Variants in ZNF148 observed in about 807,000 individuals in gnomAD.
ZNF148 encodes zinc finger protein 148.
Under a neutral mutation model 67.7 loss-of-function variants are expected in ZNF148, and 7 were observed. That is an observed-to-expected ratio of 0.10 (90% confidence interval 0.06 to 0.19). The LOEUF (loss-of-function observed/expected upper bound fraction) is 0.19, where lower values mean the gene tolerates loss of function less well. Ranked by LOEUF, ZNF148 falls within the 10% of genes least tolerant of loss-of-function variation. The probability of loss-of-function intolerance (pLI) is 1.00; values close to 1 mark genes in which losing one functional copy is unlikely to be tolerated. For missense variants in ZNF148, 583 were observed against 947.1 expected (o/e 0.62, Z 5.05); for synonymous variants, 333 against 330.7 (o/e 1.01, Z -0.08).
In ZNF148 at chr3:125,231,431, C is replaced by T. The variant is rs1305655143; in HGVS notation, c.*910G>A. 1 of 152,414 alleles carries T rather than the reference C, an allele frequency of 6.6e-6. No individual in the cohort carries two copies. The highest frequency in any genetic ancestry group is 2.4e-5 in the African/African-American group (1 of 41,390). The allele number at this position is 152,414 out of a possible 1,614,324, so 9.4% of individuals were successfully genotyped here. ...ATAGATTCTAAGTGCTCTATGTTAA[C>T]TGAAGTGTATATGTAAAGTAAAATA... On this transcript the variant is annotated 3_prime_UTR_variant, in exon 9 of 9. Coordinates refer to ENST00000360647, the MANE Select transcript of ZNF148 (RefSeq NM_021964.3).
chr3:125,272,569 C>T (rs1301646927), intron 7 of ZNF148, among the ~76,000 whole-genome samples: 3 of 151,742 alleles, frequency 2.0e-5, no homozygotes, highest in Admixed American at 1.3e-4. Context: ...CCCTATCCTC[C>T]TAAACAAAAA....
intron 1 of ZNF148, among the ~76,000 whole-genome samples, chr3:125,338,317 T>C (rs951801349): frequency 2.0e-5 from 3 of 152,156 alleles, no homozygotes; most frequent in African/African-American, 7.2e-5. Context: ...TTTACAATGA[T>C]AGGTACATAT....
intron 7 of ZNF148, among the ~76,000 whole-genome samples, chr3:125,262,935 C>T (rs183245792): frequency 1.0e-3 from 158 of 152,292 alleles, no homozygotes; most frequent in African/African-American, 3.6e-3. Flanking sequence ...ACTTTAAATG[C>T]TTTGTATTTC....
chr3:125,320,332 A>G (rs1171668762), intron 3 of ZNF148, among the ~76,000 whole-genome samples: 1 of 152,234 alleles, frequency 6.6e-6, no homozygotes, highest in African/African-American at 2.4e-5. Context: ...TTTAAAATGA[A>G]AACAGATTTG....
Position 125,267,678 on chromosome 3 carries a change from C to T in ZNF148, c.667+10048G>A, listed in dbSNP as rs532477968. ...CCTAAGAACTGGAACAAGACAAGGA[C>T]GCCTATTCTCATCACTCCTCTTCAA... On this transcript the variant is annotated intron_variant, in intron 7 of 8. Coordinates refer to ENST00000360647, the MANE Select transcript of ZNF148 (RefSeq NM_021964.3). 8.5e-5 allele frequency among the ~76,000 whole-genome samples: 13 copies of T among 152,218 alleles called. No homozygotes were observed. The East Asian group carries it at 9.7e-4, about 11-fold the overall frequency.
At chr3:125,253,239 C>CT (rs981400935) in intron 7 of ZNF148, among the ~76,000 whole-genome samples, 1 of 151,984 alleles carries the variant, frequency 6.6e-6, no homozygotes, top group Non-Finnish European at 1.5e-5. Context: ...CTATCTGATC[C>CT]TTTTAAGTTA....
chr3:125,241,639 G>A (rs1308337128), intron 7 of ZNF148, among the ~76,000 whole-genome samples: 1 of 152,044 alleles, frequency 6.6e-6, no homozygotes, highest in East Asian at 1.9e-4. Flanking sequence ...TTTCACTGAT[G>A]GAAAGACATA....
At chr3:125,236,753 G>A (rs1039762012) in intron 7 of ZNF148, among the ~76,000 whole-genome samples, 147 of 152,242 alleles carry the variant, frequency 9.7e-4, no homozygotes, top group African/African-American at 3.4e-3. Flanking sequence ...AGGCCCACAC[G>A]GACGGCTGCT....
rs866729810 is a variant in ZNF148 at position 125,350,247 on chromosome 3, G to A, written c.-233-19009C>T. On this transcript the variant is annotated intron_variant, in intron 1 of 8. Transcript: ENST00000360647. ...CAATCTCGGCTTACTGCAATCTCCC[G>A]TCTCCTGGGTTCAAGTGATTCTCCC... Among the ~76,000 whole-genome samples the A allele has an allele frequency of 4.2e-4, 64 of 152,148 alleles. 2 individuals are homozygous for A. Among genetic ancestry groups the A allele is most frequent in the Middle Eastern group, 3.4e-3 (1 of 294 alleles).
At chr3:125,314,522 C>A (rs1418207683) in intron 3 of ZNF148, among the ~76,000 whole-genome samples, 1 of 152,148 alleles carries the variant, frequency 6.6e-6, no homozygotes, top group Non-Finnish European at 1.5e-5. Context: ...TAAATTCCAA[C>A]ACACTACTGA....
chr3:125,372,918 A>C (rs547663513), intron 1 of ZNF148, among the ~76,000 whole-genome samples: 2 of 152,284 alleles, frequency 1.3e-5, no homozygotes, highest in East Asian at 3.9e-4. Context: ...GTGGGCCGAG[A>C]TCACGCCATT....
At chr3:125,241,778 G>C (rs1241813532) in intron 7 of ZNF148, among the ~76,000 whole-genome samples, 2 of 152,132 alleles carry the variant, frequency 1.3e-5, no homozygotes, top group Non-Finnish European at 2.9e-5. Flanking sequence ...CTCATAAAAA[G>C]AATTTCTGGA....
At position 125,241,261 on chromosome 3, in the gene ZNF148, A is replaced by C. The variant is rs1252698491; in HGVS notation, c.668-6932T>G. On this transcript the variant is annotated intron_variant, in intron 7 of 8. Coordinates refer to ENST00000360647, the MANE Select transcript of ZNF148 (RefSeq NM_021964.3). ...ATCTTTGGCCCCGACAAAGGTAACT[A>C]CATTTATTTGTTTGTGCGAGTTTCT... is the stretch of plus-strand genomic sequence containing the variant. Among the ~76,000 whole-genome samples the C allele has an allele frequency of 1.3e-5, 2 of 150,802 alleles. 1 individual carries two copies. The highest frequency in any genetic ancestry group is 4.9e-5 in the African/African-American group (2 of 41,094).
intron 5 of ZNF148, among the ~76,000 whole-genome samples, chr3:125,283,499 A>AT (rs1938498212): frequency 6.6e-6 from 1 of 151,998 alleles, no homozygotes; most frequent in Admixed American, 6.6e-5. Context: ...TTTACATCAG[A>AT]TTTTTTTTCA....
At chr3:125,331,827 T>A (rs1005823921) in intron 1 of ZNF148, among the ~76,000 whole-genome samples, 12 of 152,212 alleles carry the variant, frequency 7.9e-5, no homozygotes, top group African/African-American at 2.9e-4. Flanking sequence ...AAAATTAACA[T>A]TCCACATTGG....
intron 7 of ZNF148, among the ~76,000 whole-genome samples, chr3:125,276,578 C>T (rs2107603834): frequency 6.6e-6 from 1 of 152,206 alleles, no homozygotes; most frequent in East Asian, 1.9e-4. Flanking sequence ...GGATTACAGG[C>T]ATGTGCTACC....
Position 125,234,214 on chromosome 3 carries a change from T to C in ZNF148, c.783A>G (p.Leu261=). Residue 261 remains leucine (L), a synonymous_variant, in exon 8 of 9, where the codon TTA becomes TTG. Coordinates refer to ENST00000360647, the MANE Select transcript of ZNF148 (RefSeq NM_021964.3). Reference sequence around the variant, plus strand: ...AATTTCAAGCCATCTCTCTTACCTGTAAACAGTATTCACACTGGTAAGGTT... The same window carrying C: ...AATTTCAAGCCATCTCTCTTACCTGCAAACAGTATTCACACTGGTAAGGTT... ...GEKPYQCEYC[L]QYFSRTDRVL... is the part of the protein sequence containing the mutation. The C allele has an allele frequency of 6.3e-7, 1 of 1,592,244 alleles. No homozygotes were observed. Among genetic ancestry groups the C allele is most frequent in the Non-Finnish European group, 8.6e-7 (1 of 1,162,752 alleles).
intron 7 of ZNF148, among the ~76,000 whole-genome samples, chr3:125,267,303 T>C (rs1019687648): frequency 2.7e-5 from 4 of 148,606 alleles, no homozygotes; most frequent in South Asian, 2.1e-4. Flanking sequence ...CTGATGGAAA[T>C]AGATGCAAAA....
intron 1 of ZNF148, chr3:125,357,108 T>G (rs1364158545): frequency 1.3e-5 from 2 of 152,210 alleles, no homozygotes; most frequent in African/African-American, 2.4e-5. Context: ...CACTTGTTAG[T>G]GGCTGCGGAG....
Sources: gnomAD v4.1 joint callset for allele counts (sites outside exome capture counted in the v4.1 genomes callset) on GRCh38, gnomAD v4.1.1 for gene constraint, MANE v1.5 for transcripts, NCBI Gene and HGNC (gene_info 2026-07-23, HGNC 2026-07-21) for gene names.